The following TMEM132D variants were observed in gnomAD, a reference collection of about 807,000 sequenced individuals.
TMEM132D encodes the protein transmembrane protein 132D, also known as mature OL transmembrane protein.
TMEM132D carries 21 observed loss-of-function variants against 62.3 expected under a neutral mutation model. The observed-to-expected ratio is 0.34, with a 90% confidence interval of 0.24 to 0.49. The LOEUF is 0.49. Among genes scored for constraint, TMEM132D ranks in the 20% least tolerant of loss-of-function variants. The pLI, the probability that TMEM132D is intolerant of heterozygous loss-of-function variation, is 0.99. For missense variants in TMEM132D, 1,346 were observed against 1,402.8 expected (o/e 0.96, Z 0.65); for synonymous variants, 621 against 575.6 (o/e 1.08, Z -1.13).
intron 3 of TMEM132D, among the ~76,000 whole-genome samples, chr12:129,412,263 T>C (rs1181473933): frequency 1.3e-5 from 2 of 152,220 alleles, no homozygotes; most frequent in African/African-American, 2.4e-5. Context: ...CTTAAATAAA[T>C]TGATTTGTTT....
intron 1 of TMEM132D, among the ~76,000 whole-genome samples, chr12:129,883,696 C>CAG (rs1340382146): frequency 2.0e-5 from 3 of 152,150 alleles, no homozygotes; most frequent in Non-Finnish European, 2.9e-5. Flanking sequence ...GGTGAAAAGA[C>CAG]AGAGACACAC....
chr12:129,260,437 G>GACTAGA (rs1352967440), intron 4 of TMEM132D, among the ~76,000 whole-genome samples: 2 of 152,192 alleles, frequency 1.3e-5, no homozygotes, highest in Non-Finnish European at 2.9e-5. Context: ...CTGAACAAGT[G>GACTAGA]ACTAGAAGCT....
intron 5 of TMEM132D, among the ~76,000 whole-genome samples, chr12:129,126,205 C>T (rs1313643394): frequency 6.6e-6 from 1 of 152,160 alleles, no homozygotes; most frequent in Non-Finnish European, 1.5e-5. Flanking sequence ...ATGTTAATAT[C>T]TATAAATCCC....
At chr12:129,296,085 C>T (rs7486987) in intron 4 of TMEM132D, among the ~76,000 whole-genome samples, 63,005 of 145,628 alleles carry the variant, frequency 0.43, 13,875 homozygotes, top group East Asian at 0.77. Context: ...CACACACACA[C>T]ATATATATAT....
At chr12:129,509,248 TATTA>T (rs1305392471) in intron 3 of TMEM132D, among the ~76,000 whole-genome samples, 1 of 152,218 alleles carries the variant, frequency 6.6e-6, no homozygotes, top group Non-Finnish European at 1.5e-5. Context: ...CTTAGTGAAA[TATTA>T]ATTCACTTTC....
At position 129,700,565 on chromosome 12, in the gene TMEM132D, C is replaced by T. The variant is rs369038096; in HGVS notation, c.213G>A (p.Arg71=). ...CCACCCGGGACTGCAGGCTGGAGTT[C>T]CTCATGATATCCTGGTTGGCCTCCT... ...FLKEANQDIM[R]NSSLQSRVES... is the part of the protein sequence containing the mutation. The change falls in exon 2 of 9, where the codon AGG becomes AGA. Residue 71 remains arginine, a synonymous_variant. Transcript: ENST00000422113. 3.1e-6 allele frequency: 5 copies of T among 1,613,884 alleles called. No individual in the cohort carries two copies. Among genetic ancestry groups the T allele is most frequent in the African/African-American group, 1.3e-5 (1 of 74,870 alleles).
intron 2 of TMEM132D, among the ~76,000 whole-genome samples, chr12:129,609,806 G>A (rs1299168213): frequency 2.0e-5 from 3 of 152,150 alleles, no homozygotes; most frequent in Non-Finnish European, 4.4e-5. Context: ...GTTACCACGT[G>A]GATCTTCCAG....
At chr12:129,329,646 G>A (rs571711381) in intron 4 of TMEM132D, among the ~76,000 whole-genome samples, 1 of 152,206 alleles carries the variant, frequency 6.6e-6, no homozygotes, top group South Asian at 2.1e-4. Context: ...AGGTGGCCTG[G>A]GTTACCATCT....
intron 1 of TMEM132D, among the ~76,000 whole-genome samples, chr12:129,816,946 T>C (rs933094589): frequency 6.6e-6 from 1 of 152,212 alleles, no homozygotes; most frequent in African/African-American, 2.4e-5. Context: ...ATTCAAATAA[T>C]GAGTCAGCTC....
chr12:129,451,142 T>A (rs1359975523), intron 3 of TMEM132D, among the ~76,000 whole-genome samples: 1 of 151,242 alleles, frequency 6.6e-6, no homozygotes, highest in Non-Finnish European at 1.5e-5. Context: ...GAAATCCAAA[T>A]GACGGTGCTG....
At chr12:129,466,076 G>C (rs1437822150) in intron 3 of TMEM132D, among the ~76,000 whole-genome samples, 1 of 152,094 alleles carries the variant, frequency 6.6e-6, no homozygotes, top group African/African-American at 2.4e-5. Flanking sequence ...AAATTGCGTG[G>C]CACATTCCTT....
At chr12:129,324,367 A>C (rs1410503779) in intron 4 of TMEM132D, among the ~76,000 whole-genome samples, 1 of 152,216 alleles carries the variant, frequency 6.6e-6, no homozygotes, top group East Asian at 1.9e-4. Context: ...GTCCTAACAG[A>C]TGCAGCATTT....
intron 1 of TMEM132D, among the ~76,000 whole-genome samples, chr12:129,783,363 A>G (rs1871173153): frequency 6.6e-6 from 1 of 151,466 alleles, no homozygotes; most frequent in African/African-American, 2.5e-5. Context: ...CGAATGGTCA[A>G]TAATATGGTT....
chr12:129,893,544 T>C (rs1875002531), intron 1 of TMEM132D, among the ~76,000 whole-genome samples: 1 of 152,002 alleles, frequency 6.6e-6, no homozygotes, highest in Non-Finnish European at 1.5e-5. Flanking sequence ...TTAAAAGAAG[T>C]CATCGCTTTT....
chr12:129,622,848 G>A (rs1046229463), intron 2 of TMEM132D, among the ~76,000 whole-genome samples: 1 of 152,174 alleles, frequency 6.6e-6, no homozygotes, highest in African/African-American at 2.4e-5. Context: ...TTCATACATG[G>A]GCAAATGAGC....
chr12:129,706,393 T>TTTAATAA (rs1881507794), intron 1 of TMEM132D, among the ~76,000 whole-genome samples: 1 of 151,948 alleles, frequency 6.6e-6, no homozygotes, highest in South Asian at 2.1e-4. Flanking sequence ...AATAAGTAAC[T>TTTAATAA]GAATTAAAGG....
intron 1 of TMEM132D, among the ~76,000 whole-genome samples, chr12:129,848,205 G>A (rs184005918): frequency 3.4e-4 from 52 of 152,240 alleles, no homozygotes; most frequent in African/African-American, 1.1e-3. Context: ...AGGTTGGTGC[G>A]AAAGTAATTG....
chr12:129,364,452 A>G (rs1870344313), intron 3 of TMEM132D, among the ~76,000 whole-genome samples: 1 of 152,238 alleles, frequency 6.6e-6, no homozygotes, highest in African/African-American at 2.4e-5. Context: ...TCATTTATGC[A>G]AAGTATTTAG....
chr12:129,277,105 T>C lies in TMEM132D; in HGVS notation c.1299+60529A>G, dbSNP rs1245739554. 6.6e-6 allele frequency among the ~76,000 whole-genome samples: 1 copy of C among 152,164 alleles called. No individual in the cohort carries two copies. Among genetic ancestry groups the C allele is most frequent in the Non-Finnish European group, 1.5e-5 (1 of 68,026 alleles). ...GGACGAGCACAAAGGGGCTTAATAA[T>C]ATAAAGGTGAATTTCAGGGCCTTAG... On this transcript the variant is annotated intron_variant, in intron 4 of 8. Coordinates refer to ENST00000422113, the MANE Select transcript of TMEM132D (RefSeq NM_133448.3). This position sits in a 1 kb window ranked among gnomAD's most constrained non-coding sequence, Gnocchi z 4.2.
Sources: allele counts gnomAD v4.1 joint callset (sites outside exome capture counted in the v4.1 genomes callset), GRCh38; gene constraint gnomAD v4.1.1; non-coding constraint Gnocchi (gnomAD v3.1); transcripts MANE v1.5; gene names NCBI Gene and HGNC (gene_info 2026-07-23, HGNC 2026-07-21).